WDFY4: variants seen among roughly 807,000 people sequenced by gnomAD.
The protein encoded by WDFY4 is WDFY family member 4.
In WDFY4, 169 loss-of-function variants were observed where a neutral mutation model predicts 351.9. The observed-to-expected ratio is 0.48, with a 90% CI of 0.42 to 0.55. The LOEUF (loss-of-function observed/expected upper bound fraction) is 0.55, where lower values mean the gene tolerates loss of function less well. Among genes scored for constraint, WDFY4 ranks in the 20% least tolerant of loss-of-function variants. The pLI is 0.00. For missense variants in WDFY4, 3,803 were observed against 3,935.6 expected, an observed-to-expected ratio of 0.97 and a Z score of 0.90; for synonymous variants, 1,622 against 1,574.6, an observed-to-expected ratio of 1.03 and a Z score of -0.71.
intron 2 of WDFY4, among the ~76,000 whole-genome samples, chr10:48,716,031 A>C (rs1395999791): frequency 6.6e-6 from 1 of 152,088 alleles, no homozygotes; most frequent in Non-Finnish European, 1.5e-5. Flanking sequence ...ACTCTACCCC[A>C]TCTTGGAGTG....
intron 8 of WDFY4, 127 bp downstream of exon 8, chr10:48,729,716 C>A: frequency 1.6e-6 from 2 of 1,262,874 alleles, no homozygotes; most frequent in Non-Finnish European, 2.1e-6. Flanking sequence ...CTGTCACAAC[C>A]TTTGGGGAGG....
intron 13 of WDFY4, among the ~76,000 whole-genome samples, chr10:48,766,792 G>A (rs2663043): frequency 0.43 from 65,987 of 151,958 alleles, 16,696 homozygotes; most frequent in Non-Finnish European, 0.55. Context: ...TTGTTTCTCT[G>A]TATCTCAATT....
chr10:48,904,149 G>A (rs1314263327), intron 47 of WDFY4, among the ~76,000 whole-genome samples: 1 of 152,220 alleles, frequency 6.6e-6, no homozygotes, highest in Non-Finnish European at 1.5e-5. Flanking sequence ...ACCAGCAGAG[G>A]CTCCTATTGT....
intron 59 of WDFY4, 65 bp from the exon 60 acceptor site, chr10:48,978,244 A>C: frequency 4.0e-6 from 6 of 1,497,914 alleles, no homozygotes; most frequent in Non-Finnish European, 5.4e-6. Flanking sequence ...GAAATGGACT[A>C]GGCCACTCCA....
rs2068090178 is a variant in WDFY4 at position 48,828,896 on chromosome 10, G to A, written c.6340G>A (p.Val2114Ile). The change falls in exon 37 of 62, where the codon GTC (valine) becomes ATC (isoleucine). Residue 2114 changes from valine to isoleucine, a missense_variant and splice_region_variant. Val to Ile is a conservative substitution (Grantham distance 29). Transcript: ENST00000325239. ...AGAAGACTTACCAAGTTTGAGTGAT[G>A]GTACATTTTATTTGTCATTGTGTGT... The part of the protein sequence containing the change: ...KREDLPSLSD[V>I]QHNIQKTVQT... 1 of 1,106,038 alleles carries A rather than the reference G, an allele frequency of 9.0e-7. No homozygotes were observed. The highest frequency in any genetic ancestry group is 1.2e-6 in the Non-Finnish European group (1 of 841,448). The allele number at this position is 1,106,038 out of a possible 1,614,324, so 68.5% of individuals were successfully genotyped here. A position where few individuals can be genotyped will look rare whatever the true frequency, so the allele number is the denominator to read the frequency against.
At chr10:48,704,139 C>T (rs2063558505) in intron 1 of WDFY4, among the ~76,000 whole-genome samples, 1 of 152,076 alleles carries the variant, frequency 6.6e-6, no homozygotes, top group African/African-American at 2.4e-5. Context: ...GACCTCTTCC[C>T]ATTGTTCATG....
chr10:48,698,679 A>G (rs2063396758), intron 1 of WDFY4, among the ~76,000 whole-genome samples: 1 of 152,230 alleles, frequency 6.6e-6, no homozygotes, highest in African/African-American at 2.4e-5. Flanking sequence ...CTAAGAAGGC[A>G]AAGTTTAACG....
Position 48,731,232 on chromosome 10 carries a change from C to G in WDFY4, c.1252C>G (p.Arg418Gly), listed in dbSNP as rs768346274. The G allele has an allele frequency of 1.9e-6, 3 of 1,551,900 alleles. No individual in the cohort carries two copies. Among genetic ancestry groups the G allele is most frequent in the Admixed American group, 3.9e-5 (2 of 51,008 alleles). The change falls in exon 9 of 62, where the codon CGA (arginine) becomes GGA (glycine). Residue 418 changes from arginine to glycine, a missense_variant. Physicochemically the swap from Arg to Gly is moderately radical, Grantham distance 125. Around this residue, in one of 3 missense-constraint regions of WDFY4, gnomAD observed 261 missense variants for 330.2 expected, o/e 0.79. Coordinates refer to ENST00000325239, the MANE Select transcript of WDFY4 (RefSeq NM_001394531.1). Reference sequence around the variant, plus strand: ...CAGGACCATGTGGGCCTGGAATGCTCGAAACTTCTTCCTGCTGGAGTGGAC... The same window carrying G: ...CAGGACCATGTGGGCCTGGAATGCTGGAAACTTCTTCCTGCTGGAGTGGAC... The part of the protein sequence containing the change: ...VIRTMWAWNA[R>G]NFFLLEWTLQ...
rs1355420705 is a variant in WDFY4, at chr10:48,820,241, G to T, written c.5513G>T (p.Gly1838Val). The T allele has an allele frequency of 1.3e-6, 2 of 1,551,620 alleles. No homozygotes were observed. The highest frequency in any genetic ancestry group is 2.4e-5 in the South Asian group (2 of 84,048). ...AFPLGAQKGVGAESTRNTSSP... is the reference protein window; with the variant it reads ...AFPLGAQKGVVAESTRNTSSP... Reference sequence around the variant, plus strand: ...GGTTCTCTTGTCTTTGAGGGGGTTGGGGCTGAGTCCACCCGGAACACCAGC... The same window carrying T: ...GGTTCTCTTGTCTTTGAGGGGGTTGTGGCTGAGTCCACCCGGAACACCAGC... Residue 1838 changes from glycine to valine, a missense_variant, in exon 33 of 62, where the codon GGG becomes GTG. Physicochemically the swap from Gly to Val is moderately radical, Grantham distance 109. Transcript: ENST00000325239.
At chr10:48,784,552 TTTTTTTTTG>T (rs2132682696) in intron 19 of WDFY4, among the ~76,000 whole-genome samples, 1 of 129,084 alleles carries the variant, frequency 7.7e-6, no homozygotes, top group South Asian at 2.8e-4. Context: ...TTTTTTTTTT[TTTTTTTTTG>T]AGATGGAGTC....
chr10:48,913,584 G>A (rs367558167), intron 47 of WDFY4: 6 of 1,614,088 alleles, frequency 3.7e-6, no homozygotes, highest in Middle Eastern at 3.3e-4. Context: ...CCTCCTGATG[G>A]AGTCTATGAA....
Position 48,966,533 on chromosome 10 carries a change from C to A in WDFY4, c.8444C>A (p.Thr2815Asn). The change falls in exon 55 of 62, where the codon ACC becomes AAC. Residue 2815 changes from threonine to asparagine, a missense_variant. Transcript: ENST00000325239. ...TGTTCCCTGTCTCTCTAGCTCTTTA[C>A]CAAACCTCACCCAGCCAGGACTGCA... ...NFGQVPKQLF[T>N]KPHPARTAAG... 1 of 1,551,986 alleles carries A rather than the reference C, an allele frequency of 6.4e-7. No homozygotes were observed. Among genetic ancestry groups the A allele is most frequent in the South Asian group, 1.2e-5 (1 of 84,026 alleles).
At chr10:48,959,427 G>T (rs1430483758) in intron 52 of WDFY4, among the ~76,000 whole-genome samples, 2 of 152,180 alleles carry the variant, frequency 1.3e-5, no homozygotes, top group Non-Finnish European at 2.9e-5. Context: ...ACAGTACAGT[G>T]CAGAGGAAGA....
At chr10:48,960,059 T>C (rs537332478) in intron 53 of WDFY4, among the ~76,000 whole-genome samples, 2 of 152,226 alleles carry the variant, frequency 1.3e-5, no homozygotes, top group South Asian at 4.2e-4. Context: ...CTGGAGGAAG[T>C]GAGCTTAGTG....
At chr10:48,871,096 G>A (rs1246578429) in intron 40 of WDFY4, among the ~76,000 whole-genome samples, 1 of 152,132 alleles carries the variant, frequency 6.6e-6, no homozygotes, top group East Asian at 1.9e-4. Context: ...ACCACGCCTA[G>A]CTAATTTTTT....
rs565787431 is a variant in WDFY4, at chr10:48,866,569, A to C, written c.6664-696A>C. ...GTCCAAAAAATAGAAAAAAGCATAA[A>C]TGTCGGGCACACCTCAGTGAATTCC... On this transcript the variant is annotated intron_variant, in intron 39 of 61. Transcript: ENST00000325239. 5.3e-5 allele frequency among the ~76,000 whole-genome samples: 8 copies of C among 152,304 alleles called. No homozygotes were observed. The South Asian group carries it at 1.7e-3, about 32-fold the overall frequency.
intron 14 of WDFY4, among the ~76,000 whole-genome samples, 161 bp from the exon 15 acceptor site, chr10:48,775,551 G>A (rs774688711): frequency 2.6e-5 from 4 of 152,178 alleles, no homozygotes; most frequent in Admixed American, 6.5e-5. Context: ...TGGCTGGCAG[G>A]GCAGAGACAC....
intron 2 of WDFY4, among the ~76,000 whole-genome samples, chr10:48,718,471 A>G (rs1360558411): frequency 6.6e-6 from 1 of 152,264 alleles, no homozygotes; most frequent in Non-Finnish European, 1.5e-5. Flanking sequence ...TCAGCTTAAA[A>G]AAGAACTCAT....
intron 60 of WDFY4, chr10:48,980,095 C>G (rs1590042043): frequency 6.6e-6 from 1 of 152,166 alleles, no homozygotes; most frequent in Admixed American, 6.5e-5. Flanking sequence ...TGCCCTGACC[C>G]TAAGTCTCTG....
Sources: allele counts gnomAD v4.1 joint callset (sites outside exome capture counted in the v4.1 genomes callset), GRCh38; gene constraint gnomAD v4.1.1; regional missense constraint gnomAD v4.1.1; transcripts MANE v1.5; gene names NCBI Gene and HGNC (gene_info 2026-07-23, HGNC 2026-07-21).